GABRA3: variants seen among roughly 807,000 people sequenced by gnomAD.
GABRA3 encodes the protein gamma-aminobutyric acid type A receptor subunit alpha3.
Under a neutral mutation model 30.1 loss-of-function variants are expected in GABRA3, and 10 were observed. That is an observed-to-expected ratio of 0.33 (90% CI 0.20 to 0.56). The LOEUF is 0.56. Among genes scored for constraint, GABRA3 ranks in the 20% least tolerant of loss-of-function variants. The pLI is 0.89. For missense variants in GABRA3, 233 were observed against 392.0 expected (o/e 0.59, Z 3.42); for synonymous variants, 151 against 146.8 (o/e 1.03, Z -0.21).
At chrX:152,410,145 C>T (rs756261250) in intron 1 of GABRA3, among the ~76,000 whole-genome samples, 7 of 111,759 alleles carry the variant, frequency 6.3e-5, no homozygotes, top group Non-Finnish European at 1.1e-4. Context: ...TGTTCTCACT[C>T]ATTTGTGAGA....
chrX:152,299,985 G>C (rs991274712), intron 3 of GABRA3, among the ~76,000 whole-genome samples: 1 of 112,301 alleles, frequency 8.9e-6, no homozygotes, highest in Admixed American at 9.4e-5. Flanking sequence ...AGGTCAGAGA[G>C]TGTGGGGGAA....
chrX:152,281,836 C>G (rs1296961591), intron 4 of GABRA3, among the ~76,000 whole-genome samples: 1 of 112,368 alleles, frequency 8.9e-6, no homozygotes, highest in Non-Finnish European at 1.9e-5. Flanking sequence ...GCTGGAGAAC[C>G]AGAGATGTCC....
At chrX:152,278,522 G>A (rs145987244) in intron 4 of GABRA3, among the ~76,000 whole-genome samples, 363 of 111,484 alleles carry the variant, frequency 3.3e-3, no homozygotes, top group Non-Finnish European at 5.2e-3. Flanking sequence ...ATGGACATTT[G>A]GCTTGGTTCC....
chrX:152,255,253 T>C (rs1052079556), intron 5 of GABRA3, among the ~76,000 whole-genome samples: 7 of 111,994 alleles, frequency 6.3e-5, no homozygotes, highest in Non-Finnish European at 1.3e-4. Context: ...TAGCATAAAA[T>C]AAACATATTC....
At chrX:152,424,753 T>C (rs1013600520) in intron 1 of GABRA3, among the ~76,000 whole-genome samples, 2 of 109,706 alleles carry the variant, frequency 1.8e-5, no homozygotes, top group African/African-American at 6.6e-5. Flanking sequence ...GTGCCCACAG[T>C]GGTTTTATTT....
chrX:152,411,656 G>A (rs887419475), intron 1 of GABRA3, among the ~76,000 whole-genome samples: 1 of 111,236 alleles, frequency 9.0e-6, no homozygotes, highest in Non-Finnish European at 1.9e-5. Context: ...TCATGAACAT[G>A]AATTAGGAAA....
intron 6 of GABRA3, among the ~76,000 whole-genome samples, chrX:152,216,520 T>C (rs1263837629): frequency 1.8e-5 from 2 of 109,238 alleles, no homozygotes; most frequent in East Asian, 5.8e-4. Context: ...CAGGACATTA[T>C]GTTAAATGAA....
chrX:152,398,190 G>C (rs1929708105), intron 1 of GABRA3, among the ~76,000 whole-genome samples: 2 of 110,910 alleles, frequency 1.8e-5, no homozygotes, highest in Non-Finnish European at 1.9e-5. Flanking sequence ...AATGGGTTAG[G>C]CTCTGAATAA....
At chrX:152,343,861 A>G (rs1352733506) in intron 3 of GABRA3, among the ~76,000 whole-genome samples, 1 of 112,393 alleles carries the variant, frequency 8.9e-6, no homozygotes, top group Non-Finnish European at 1.9e-5. Context: ...AAATGGGTAC[A>G]TGTATCAATT....
At chrX:152,371,275 C>T (rs1928832105) in intron 1 of GABRA3, among the ~76,000 whole-genome samples, 2 of 111,566 alleles carry the variant, frequency 1.8e-5, no homozygotes, top group South Asian at 7.6e-4. Flanking sequence ...TAACTCTTTT[C>T]CCAGAATCTC....
chrX:152,214,047 C>A (rs1937671653), intron 6 of GABRA3, among the ~76,000 whole-genome samples: 1 of 111,162 alleles, frequency 9.0e-6, no homozygotes, highest in African/African-American at 3.3e-5. Context: ...TTGCACCCTA[C>A]AGGTATTTTT....
intron 9 of GABRA3, 147 bp from the exon 10 acceptor site, chrX:152,168,710 C>T: frequency 2.2e-6 from 1 of 462,322 alleles, no homozygotes; most frequent in Non-Finnish European, 3.8e-6. Flanking sequence ...GCACTAGTAA[C>T]CAGGTTTGTG....
chrX:152,225,815 T>C (rs1411805405), intron 5 of GABRA3, among the ~76,000 whole-genome samples: 1 of 110,354 alleles, frequency 9.1e-6, no homozygotes, highest in African/African-American at 3.3e-5. Flanking sequence ...CTAACTAGCC[T>C]TTATACTTCC....
At chrX:152,189,693 G>A (rs201617472) in intron 9 of GABRA3, 37 bp downstream of exon 9, 108 of 1,054,662 alleles carry the variant, frequency 1.0e-4, no homozygotes, top group Non-Finnish European at 1.3e-4. Flanking sequence ...CAGGTCTCTC[G>A]GGGGTGCTTC....
At chrX:152,384,251 C>T (rs769842987) in intron 1 of GABRA3, among the ~76,000 whole-genome samples, 1 of 111,451 alleles carries the variant, frequency 9.0e-6, no homozygotes, top group Non-Finnish European at 1.9e-5. Flanking sequence ...AAAGATAGCT[C>T]ATGTTCATAA....
intron 1 of GABRA3, among the ~76,000 whole-genome samples, chrX:152,436,511 C>T (rs966494458): frequency 9.0e-6 from 1 of 111,448 alleles, no homozygotes; most frequent in Non-Finnish European, 1.9e-5. Flanking sequence ...ATAATTGATG[C>T]AGCATGTTAG....
chrX:152,338,493 T>C (rs73626606), intron 3 of GABRA3, among the ~76,000 whole-genome samples: 13,507 of 111,555 alleles, frequency 0.12, 676 homozygotes, highest in African/African-American at 0.17. Flanking sequence ...TCTCTTCACT[T>C]TATTGGTTGT....
chrX:152,308,627 T>C (rs979698286), intron 3 of GABRA3, among the ~76,000 whole-genome samples: 1 of 111,606 alleles, frequency 9.0e-6, no homozygotes, highest in African/African-American at 3.3e-5. Flanking sequence ...CATCAAAAGA[T>C]ATAAAAGCAG....
At chrX:152,279,852 T>C (rs1256958597) in intron 4 of GABRA3, among the ~76,000 whole-genome samples, 1 of 111,347 alleles carries the variant, frequency 9.0e-6, no homozygotes, top group Non-Finnish European at 1.9e-5. Context: ...GATTCCTAGG[T>C]ATTTTATTCT....
Sources: allele counts gnomAD v4.1 joint callset (sites outside exome capture counted in the v4.1 genomes callset), GRCh38; gene constraint gnomAD v4.1.1; transcripts MANE v1.5; gene names NCBI Gene and HGNC (gene_info 2026-07-23, HGNC 2026-07-21).